RLF: variants seen among roughly 807,000 people sequenced by gnomAD.
The protein encoded by RLF is zinc finger protein Rlf.
Under a neutral mutation model 162.9 loss-of-function variants are expected in RLF, and 7 were observed. The ratio of observed to expected loss-of-function variants is 0.04; its 90% confidence interval spans 0.02 to 0.08. The LOEUF is 0.08. Among genes scored for constraint, RLF ranks in the 10% least tolerant of loss-of-function variants. The pLI is 1.00. For missense variants in RLF, 1,664 were observed against 2,244.7 expected (o/e 0.74, Z 5.23); for synonymous variants, 782 against 791.5 (o/e 0.99, Z 0.20).
intron 5 of RLF, among the ~76,000 whole-genome samples, 159 bp downstream of exon 5, chr1:40,202,773 G>A (rs1376970030): frequency 2.6e-5 from 4 of 152,158 alleles, no homozygotes; most frequent in African/African-American, 9.7e-5. Context: ...CTGCTCGACA[G>A]ATAGAATGTA....
At chr1:40,235,070 T>A (rs1299720774) in intron 7 of RLF, among the ~76,000 whole-genome samples, 1 of 149,548 alleles carries the variant, frequency 6.7e-6, no homozygotes, top group African/African-American at 2.5e-5. Flanking sequence ...TTTTTTTTTT[T>A]TTTTTTTTGA....
At chr1:40,172,973 C>G in intron 1 of RLF, among the ~76,000 whole-genome samples, 1 of 152,024 alleles carries the variant, frequency 6.6e-6, no homozygotes, top group South Asian at 2.1e-4. Flanking sequence ...TTTACTAAAT[C>G]CTTGCCAATG....
intron 4 of RLF, among the ~76,000 whole-genome samples, chr1:40,199,198 G>A (rs1324470794): frequency 6.6e-6 from 1 of 152,194 alleles, no homozygotes; most frequent in Non-Finnish European, 1.5e-5. Context: ...TTTGATTGGA[G>A]AGTGATGACC....
chr1:40,216,119 G>T (rs1642920851), intron 5 of RLF, among the ~76,000 whole-genome samples: 1 of 152,020 alleles, frequency 6.6e-6, no homozygotes, highest in Non-Finnish European at 1.5e-5. Context: ...GATTATAAAG[G>T]AATACTCTGA....
In RLF at chr1:40,183,324, AAACAC is replaced by A. The variant is rs1274237262; in HGVS notation, c.238-5729_238-5725del. ...ATAATCCAAACCCCTCTCTATTAGA[AAACAC>A]ATAACTTCCTATTGCCATAGAACAT... On this transcript the variant is annotated intron_variant, in intron 1 of 7. Transcript: ENST00000372771. Among the ~76,000 whole-genome samples, 3 of 152,364 alleles carry A rather than the reference AAACAC, an allele frequency of 2.0e-5. No individual in the cohort carries two copies. In the East Asian group the frequency reaches 5.8e-4, roughly 29 times the overall value.
intron 3 of RLF, among the ~76,000 whole-genome samples, chr1:40,194,718 A>G (rs937027261): frequency 1.3e-5 from 2 of 152,150 alleles, no homozygotes; most frequent in East Asian, 1.9e-4. Flanking sequence ...CAGTAATGCA[A>G]GGACCTAACT....
At chr1:40,174,092 G>C (rs1328357210) in intron 1 of RLF, among the ~76,000 whole-genome samples, 3 of 152,182 alleles carry the variant, frequency 2.0e-5, no homozygotes, top group African/African-American at 2.4e-5. Context: ...TTGTGACCTG[G>C]CCGGGCACGA....
rs765020752 is a variant in RLF at position 40,173,073 on chromosome 1, G to GTTT, written c.237+11453_237+11455dup. ...TAATTTGCATTTTAGTAACATTCAG[G>GTTT]TTTTTTTTTTTTTTTTTTGTGAGGC... is the stretch of plus-strand genomic sequence containing the variant. On this transcript the variant is annotated intron_variant, in intron 1 of 7. Transcript: ENST00000372771. Among the ~76,000 whole-genome samples the GTTT allele has an allele frequency of 7.8e-5, 10 of 128,980 alleles. 1 individual carries two copies. The highest frequency in any genetic ancestry group is 2.4e-4 in the South Asian group (1 of 4,086). The allele number at this position is 128,980 out of a possible 152,430, so 84.6% of individuals were successfully genotyped here.
At chr1:40,165,561 T>A (rs1205779197) in intron 1 of RLF, among the ~76,000 whole-genome samples, 1 of 152,112 alleles carries the variant, frequency 6.6e-6, no homozygotes, top group African/African-American at 2.4e-5. Flanking sequence ...GGTTTCCTCT[T>A]ATTTGTTTGG....
chr1:40,225,054 T>C (rs1643050499), intron 6 of RLF, among the ~76,000 whole-genome samples: 1 of 152,168 alleles, frequency 6.6e-6, no homozygotes, highest in African/African-American at 2.4e-5. Flanking sequence ...GATAGATCTT[T>C]TGTTATGCTT....
At chr1:40,205,324 A>G (rs781395419) in intron 5 of RLF, among the ~76,000 whole-genome samples, 27 of 152,114 alleles carry the variant, frequency 1.8e-4, no homozygotes, top group Non-Finnish European at 3.7e-4. Flanking sequence ...CAACAGAACA[A>G]CAGAACGAGA....
chr1:40,236,076 T>C lies in RLF; in HGVS notation c.1374T>C (p.Ala458=). ...PNSLRCELLL[A]LKAHWPFDPE... ...CTCTTCGATGTGAGCTCTTACTAGC[T>C]TTAAAAGCCCACTGGCCTTTTGATC... Residue 458 remains alanine (A), a synonymous_variant, in exon 8 of 8, where the codon GCT becomes GCC. Coordinates refer to ENST00000372771, the MANE Select transcript of RLF (RefSeq NM_012421.4). The surrounding 1 kb of genome is among the most constrained non-coding windows in gnomAD (Gnocchi z 7.7). The C allele has an allele frequency of 6.2e-7, 1 of 1,614,148 alleles. No homozygotes were observed. The highest frequency in any genetic ancestry group is 8.5e-7 in the Non-Finnish European group (1 of 1,180,024).
Position 40,195,829 on chromosome 1 carries a change from A to G in RLF, c.607+65A>G, listed in dbSNP as rs983494849. 1.5e-5 allele frequency: 22 copies of G among 1,493,290 alleles called. No homozygotes were observed. In the Admixed American group the frequency reaches 3.2e-4, roughly 22 times the overall value. 92.5% of individuals were successfully genotyped at this position (1,493,290 alleles called of 1,614,324 possible). ...AGAACGTTGGAATTGATTATGGGTTAAAATTTTGGGAATTTAACTTGTGTA... is the reference window on the plus strand; with the variant it reads ...AGAACGTTGGAATTGATTATGGGTTGAAATTTTGGGAATTTAACTTGTGTA... On this transcript the variant is annotated intron_variant, in intron 4 of 7. Transcript: ENST00000372771.
At chr1:40,170,217 T>G (rs559897823) in intron 1 of RLF, among the ~76,000 whole-genome samples, 55 of 152,280 alleles carry the variant, frequency 3.6e-4, no homozygotes, top group Middle Eastern at 3.4e-3. Flanking sequence ...TTTAATTATT[T>G]AGTTTTAGCC....
chr1:40,210,197 T>C (rs1225047035), intron 5 of RLF, among the ~76,000 whole-genome samples: 1 of 152,232 alleles, frequency 6.6e-6, no homozygotes, highest in Non-Finnish European at 1.5e-5. Context: ...GTATTAGGCA[T>C]TGGCAAATAC....
intron 7 of RLF, among the ~76,000 whole-genome samples, chr1:40,232,936 ACTC>A (rs1293259117): frequency 1.3e-5 from 2 of 151,492 alleles, no homozygotes; most frequent in African/African-American, 4.9e-5. Context: ...CTGGTTCTGA[ACTC>A]CTGGCCTCAA....
chr1:40,213,974 G>T (rs1282308368), intron 5 of RLF, among the ~76,000 whole-genome samples: 2 of 152,194 alleles, frequency 1.3e-5, no homozygotes, highest in Non-Finnish European at 2.9e-5. Context: ...TATTACTGTT[G>T]TTTAATTGCC....
chr1:40,225,400 G>A (rs1229551520), intron 6 of RLF, among the ~76,000 whole-genome samples: 1 of 151,950 alleles, frequency 6.6e-6, no homozygotes, highest in Non-Finnish European at 1.5e-5. Context: ...CCAACATGGT[G>A]AAAACCCATC....
chr1:40,180,028 A>G lies in RLF; in HGVS notation c.238-9027A>G, dbSNP rs569028769. On this transcript the variant is annotated intron_variant, in intron 1 of 7. Transcript: ENST00000372771. ...TTTCTTCCTCCTTTTGGCTATTGTAAATAATGCTGCTGTGAACACGCGTGT... is the reference window on the plus strand; with the variant it reads ...TTTCTTCCTCCTTTTGGCTATTGTAGATAATGCTGCTGTGAACACGCGTGT... Among the ~76,000 whole-genome samples, 31 of 152,182 alleles carry G rather than the reference A, an allele frequency of 2.0e-4. 1 individual carries two copies. In the East Asian group the frequency reaches 4.8e-3, roughly 24 times the overall value.
Sources: gnomAD v4.1 joint callset for allele counts (sites outside exome capture counted in the v4.1 genomes callset) on GRCh38, gnomAD v4.1.1 for gene constraint, Gnocchi (gnomAD v3.1) non-coding constraint, MANE v1.5 for transcripts, NCBI Gene and HGNC (gene_info 2026-07-23, HGNC 2026-07-21) for gene names.